The following EPB42 variants were observed in gnomAD, a reference collection of about 807,000 sequenced individuals.
The protein encoded by EPB42 is protein 4.2.
Under a neutral mutation model 76.9 loss-of-function variants are expected in EPB42, and 49 were observed. That is an observed-to-expected ratio of 0.64 (90% CI 0.51 to 0.81). The LOEUF is 0.81. Among genes scored for constraint, EPB42 ranks in the 30% least tolerant of loss-of-function variants. The probability of loss-of-function intolerance (pLI) is 0.00; values close to 1 mark genes in which losing one functional copy is unlikely to be tolerated. For missense variants in EPB42, 731 were observed against 867.6 expected, an observed-to-expected ratio of 0.84 and a Z score of 1.98; for synonymous variants, 310 against 338.4, an observed-to-expected ratio of 0.92 and a Z score of 0.92.
intron 1 of EPB42, among the ~76,000 whole-genome samples, chr15:43,219,588 A>G (rs1432479955): frequency 6.6e-6 from 1 of 152,180 alleles, no homozygotes; most frequent in African/African-American, 2.4e-5. Flanking sequence ...AGACTAAACA[A>G]TCTCCTGATA....
At position 43,209,421 on chromosome 15, in the gene EPB42, G is replaced by A. The variant is rs1426268978; in HGVS notation, c.685C>T (p.Pro229Ser). The A allele has an allele frequency of 6.2e-7, 1 of 1,612,646 alleles. No individual in the cohort carries two copies. The highest frequency in any genetic ancestry group is 1.3e-5 in the African/African-American group (1 of 74,918). ...LHFLKEQRVL[P>S]TPQTQATQEG... ...TGGGTGGCCTGGGTCTGCGGGGTGG[G>A]CAGGACCCTCTGCTCCTTGAGAAAA... The change falls in exon 6 of 13, where the codon CCC (proline) becomes TCC (serine). Residue 229 changes from proline to serine, a missense_variant. Physicochemically the swap from Pro to Ser is moderately conservative, Grantham distance 74. Coordinates refer to ENST00000441366, the MANE Select transcript of EPB42 (RefSeq NM_001114134.2).
Position 43,210,358 on chromosome 15 carries a change from C to A in EPB42, c.631G>T (p.Val211Leu), listed in dbSNP as rs752892136. 3.1e-6 allele frequency: 5 copies of A among 1,613,600 alleles called. No homozygotes were observed. Among genetic ancestry groups the A allele is most frequent in the Admixed American group, 3.3e-5 (2 of 60,002 alleles). Residue 211 changes from valine (V) to leucine (L), a missense_variant, in exon 5 of 13, where the codon GTG (valine) becomes TTG (leucine). Val to Leu is a conservative substitution (Grantham distance 32, BLOSUM62 1). Coordinates refer to ENST00000441366, the MANE Select transcript of EPB42 (RefSeq NM_001114134.2). ...ACCAAGGCACCCAACACACGGGCCA[C>A]GTGCACCGGCTGGCTCCACTTCTCT... ...QVEKWSQPVH[V>L]ARVLGALLHF...
rs75927333 is a variant in EPB42, at chr15:43,216,509, C to T, written c.11-56G>A. Reference sequence around the variant, plus strand: ...CTAAGTACATGTGACAATGTAAGTACAAGCAGAGATTCTGGAGTCAGAGAG... The same window carrying T: ...CTAAGTACATGTGACAATGTAAGTATAAGCAGAGATTCTGGAGTCAGAGAG... On this transcript the variant is annotated intron_variant, in intron 1 of 12. Coordinates refer to ENST00000441366, the MANE Select transcript of EPB42 (RefSeq NM_001114134.2). 392 of 1,581,164 alleles carry T rather than the reference C, an allele frequency of 2.5e-4. 3 individuals carry two copies. The East Asian group carries it at 8.0e-3, about 32-fold the overall frequency.
chr15:43,209,490 T>C (rs1394765615), intron 5 of EPB42, 39 bp from the exon 6 acceptor site: 1 of 1,586,478 alleles, frequency 6.3e-7, no homozygotes, highest in Non-Finnish European at 8.6e-7. Flanking sequence ...ATGAGTCCCT[T>C]GGGCAGGACA....
chr15:43,217,266 C>T lies in EPB42; in HGVS notation c.11-813G>A, dbSNP rs549498080. ...TGTAGCACCTCCTCCTTCACTCTCT[C>T]TCTCTCTTTCCCACCAGCCATGTGA... On this transcript the variant is annotated intron_variant, in intron 1 of 12. Transcript: ENST00000441366. Among the ~76,000 whole-genome samples the T allele has an allele frequency of 3.9e-5, 6 of 152,322 alleles. No homozygotes were observed. The East Asian group carries it at 1.2e-3, about 29-fold the overall frequency.
At chr15:43,220,651 C>G in intron 1 of EPB42, 165 bp downstream of exon 1, 2 of 749,352 alleles carry the variant, frequency 2.7e-6, no homozygotes, top group African/African-American at 3.8e-5. Flanking sequence ...CCTACCACAC[C>G]CCCCCCCCAC....
chr15:43,209,132 T>C (rs2042252181), intron 6 of EPB42, 142 bp downstream of exon 6: 2 of 1,024,168 alleles, frequency 2.0e-6, no homozygotes, highest in Non-Finnish European at 1.5e-6. Context: ...AGGAGCTGCC[T>C]GGGACAACTA....
intron 3 of EPB42, 62 bp downstream of exon 3, chr15:43,215,033 G>A: frequency 6.9e-7 from 1 of 1,451,412 alleles, no homozygotes; most frequent in Non-Finnish European, 9.6e-7. Flanking sequence ...TGCCAGAGCT[G>A]CACCCCAGCT....
intron 2 of EPB42, among the ~76,000 whole-genome samples, chr15:43,215,612 C>T (rs2042366615): frequency 6.7e-6 from 1 of 149,948 alleles, no homozygotes; most frequent in African/African-American, 2.5e-5. Context: ...TACTTGCATA[C>T]ATCTGACAGG....
rs190357895 is a variant in EPB42 at position 43,219,466 on chromosome 15, C to T, written c.10+1350G>A. ...CAGCACAAGCCAGCTCCAGCCACTG[C>T]AGCATGTCATGAGTTCATACTCAGT... On this transcript the variant is annotated intron_variant, in intron 1 of 12. Transcript: ENST00000441366. Among the ~76,000 whole-genome samples, 61 of 152,314 alleles carry T rather than the reference C, an allele frequency of 4.0e-4. 1 individual carries two copies. Among genetic ancestry groups the T allele is most frequent in the Admixed American group, 3.8e-3 (58 of 15,304 alleles).
At chr15:43,203,063 G>T (rs992710518) in intron 11 of EPB42, 52 bp downstream of exon 11, 2 of 1,608,572 alleles carry the variant, frequency 1.2e-6, no homozygotes, top group Non-Finnish European at 1.7e-6. Context: ...TTCTGAAATG[G>T]GGACCTGAGT....
At position 43,206,312 on chromosome 15, in the gene EPB42, G is replaced by A. The variant is rs774686412; in HGVS notation, c.1618+18C>T. ...GTGTGTGTGTCGGGGGGTGTCTGGT[G>A]GGGCCATAGAGCATTACCCAGGTTG... On this transcript the variant is annotated intron_variant, in intron 10 of 12. Coordinates refer to ENST00000441366, the MANE Select transcript of EPB42 (RefSeq NM_001114134.2). This position sits in a 1 kb window ranked among gnomAD's most constrained non-coding sequence, Gnocchi z 4.7. 2 of 1,594,672 alleles carry A rather than the reference G, an allele frequency of 1.3e-6. No individual in the cohort carries two copies. The highest frequency in any genetic ancestry group is 4.5e-5 in the East Asian group (2 of 44,434).
chr15:43,214,441 G>A (rs532129795), intron 3 of EPB42, among the ~76,000 whole-genome samples: 1 of 152,150 alleles, frequency 6.6e-6, no homozygotes, highest in African/African-American at 2.4e-5. Context: ...GGGGGGTCTG[G>A]AGAGCGCCCA....
chr15:43,197,749 G>A (rs1475367462), intron 12 of EPB42, among the ~76,000 whole-genome samples: 2 of 152,160 alleles, frequency 1.3e-5, no homozygotes, highest in African/African-American at 4.8e-5. Context: ...CCTGGTAATT[G>A]TATTGGAGTT....
At chr15:43,216,571 G>C in intron 1 of EPB42, 118 bp from the exon 2 acceptor site, 1 of 1,119,310 alleles carries the variant, frequency 8.9e-7, no homozygotes, top group Non-Finnish European at 1.3e-6. Context: ...TTACGTTTTA[G>C]CTGCGCAATC....
Position 43,208,232 on chromosome 15 carries a change from C to T in EPB42, c.1073G>A (p.Gly358Glu), listed in dbSNP as rs764394148. The T allele has an allele frequency of 1.2e-6, 2 of 1,613,764 alleles. No homozygotes were observed. The highest frequency in any genetic ancestry group is 1.1e-5 in the South Asian group (1 of 91,024). Residue 358 changes from glycine to glutamate, a missense_variant and splice_region_variant, in exon 8 of 13, where the codon GGA (glycine) becomes GAA (glutamate). By Grantham distance (98) the Gly-to-Glu change is moderately conservative (BLOSUM62 -2). Coordinates refer to ENST00000441366, the MANE Select transcript of EPB42 (RefSeq NM_001114134.2). ...ILHPSAPNGG[G>E]VLGSCDLVPV... ...CTGGACCCACCCCTAGGCTTTACCT[C>T]CACCTCCATTAGGAGCACTTGGGTG... is the stretch of plus-strand genomic sequence containing the variant.
chr15:43,206,235 A>G lies in EPB42; in HGVS notation c.1618+95T>C, dbSNP rs920029161. ...CAGGGGCTCAAAGCCATCTCTAGAG[A>G]CTGCAGGGGGTGCCCTGTGGCTGCT... On this transcript the variant is annotated intron_variant, in intron 10 of 12. Coordinates refer to ENST00000441366, the MANE Select transcript of EPB42 (RefSeq NM_001114134.2). The surrounding 1 kb of genome is among the most constrained non-coding windows in gnomAD (Gnocchi z 4.7). The G allele has an allele frequency of 5.3e-6, 7 of 1,321,150 alleles. No individual in the cohort carries two copies. The African/African-American group carries it at 1.0e-4, about 20-fold the overall frequency. 81.8% of individuals were successfully genotyped at this position (1,321,150 alleles called of 1,614,324 possible).
chr15:43,204,911 C>T (rs1347909859), intron 10 of EPB42, among the ~76,000 whole-genome samples: 3 of 151,878 alleles, frequency 2.0e-5, no homozygotes, highest in Non-Finnish European at 4.4e-5. Flanking sequence ...TTAAAAGTTC[C>T]CCAGATGATC....
intron 2 of EPB42, among the ~76,000 whole-genome samples, chr15:43,215,893 C>T (rs140542141): frequency 0.066 from 10,002 of 152,190 alleles, 1,101 homozygotes; most frequent in African/African-American, 0.22. Context: ...GGCTTCACCA[C>T]GTTGGTCAGG....
Sources: gnomAD v4.1 joint callset for allele counts (sites outside exome capture counted in the v4.1 genomes callset) on GRCh38, gnomAD v4.1.1 for gene constraint, Gnocchi (gnomAD v3.1) non-coding constraint, MANE v1.5 for transcripts, NCBI Gene and HGNC (gene_info 2026-07-23, HGNC 2026-07-21) for gene names.